The following SLC6A14 variants were observed in gnomAD, a reference collection of about 807,000 sequenced individuals.
SLC6A14 encodes sodium- and chloride-dependent neutral and basic amino acid transporter B(0+).
A neutral mutation model predicts 51.4 loss-of-function variants in SLC6A14; 21 were observed. The ratio of observed to expected loss-of-function variants is 0.41; its 90% CI spans 0.29 to 0.59. The LOEUF (loss-of-function observed/expected upper bound fraction) is 0.59. Ranked by LOEUF, SLC6A14 falls within the 20% of genes least tolerant of loss-of-function variation. The pLI, the probability that SLC6A14 is intolerant of heterozygous loss-of-function variation, is 0.31. For synonymous variants in SLC6A14, 177 were observed against 160.7 expected (o/e 1.10, Z -0.77); for missense variants, 371 against 472.8 (o/e 0.78, Z 2.00).
chrX:116,459,058 A>G lies in SLC6A14; in HGVS notation c.*103A>G. On this transcript the variant is annotated 3_prime_UTR_variant, in exon 14 of 14. Coordinates refer to ENST00000598581, the MANE Select transcript of SLC6A14 (RefSeq NM_007231.5). ...AACTGAATAGGAAAATGTACATACT[A>G]TGTTCATGATAGTGTGATTTTTTTC... 1 of 636,152 alleles carries G rather than the reference A, an allele frequency of 1.6e-6. No homozygotes were observed. Among genetic ancestry groups the G allele is most frequent in the Non-Finnish European group, 2.3e-6 (1 of 432,292 alleles). 52.4% of individuals were successfully genotyped at this position (636,152 alleles called of 1,213,427 possible).
In SLC6A14 at chrX:116,442,829, C is replaced by T; in HGVS notation, c.489C>T (p.Asn163=). Residue 163 remains asparagine, a synonymous_variant, in exon 4 of 14, where the codon AAC becomes AAT. Coordinates refer to ENST00000598581, the MANE Select transcript of SLC6A14 (RefSeq NM_007231.5). The part of the protein sequence containing the change: ...WKNCSSWSDK[N]CSRSPIVTHC... ...ATTGTTCTTCGTGGTCAGATAAAAA[C>T]TGTAGCAGATCACCAATAGGTAAAA... The T allele has an allele frequency of 8.5e-7, 1 of 1,182,141 alleles. No individual in the cohort carries two copies. The highest frequency in any genetic ancestry group is 1.1e-6 in the Non-Finnish European group (1 of 885,121).
chrX:116,442,615 GC>G, intron 3 of SLC6A14, 71 bp from the exon 4 acceptor site: 2 of 873,009 alleles, frequency 2.3e-6, no homozygotes, highest in Non-Finnish European at 3.1e-6. Flanking sequence ...TTGAGATACA[GC>G]TTTTTTATGA....
At chrX:116,457,567 G>T in intron 12 of SLC6A14, 42 bp from the exon 13 acceptor site, 1 of 1,135,618 alleles carries the variant, frequency 8.8e-7, no homozygotes, top group South Asian at 1.9e-5. Context: ...GTGCAATAAA[G>T]TCTAATCTTT....
chrX:116,453,121 G>A lies in SLC6A14; in HGVS notation c.1264G>A (p.Asp422Asn). 1.7e-6 allele frequency: 2 copies of A among 1,200,659 alleles called. No individual in the cohort carries two copies. The highest frequency in any genetic ancestry group is 2.2e-6 in the Non-Finnish European group (2 of 889,591). The change falls in exon 9 of 14, where the codon GAT becomes AAT. Residue 422 changes from aspartate (D) to asparagine (N), a missense_variant. By Grantham distance (23) the Asp-to-Asn change is conservative. Transcript: ENST00000598581. ...TTTCATGCTTTTAACTTTGGGTCTC[G>A]ATTCTCAGTTTGCTTCGATTGGTAA... ...FFFMLLTLGLDSQFASIETIT... is the reference protein window; with the variant it reads ...FFFMLLTLGLNSQFASIETIT...
rs1170150459 is a variant in SLC6A14 at position 116,437,367 on chromosome X, T to C, written c.49-423T>C. Among the ~76,000 whole-genome samples the C allele has an allele frequency of 2.7e-5, 3 of 111,587 alleles. No homozygotes were observed. In the East Asian group the frequency reaches 8.5e-4, roughly 32 times the overall value. On this transcript the variant is annotated intron_variant, in intron 1 of 13. Coordinates refer to ENST00000598581, the MANE Select transcript of SLC6A14 (RefSeq NM_007231.5). ...GCTCAAAGATCTGCTACAATATCAA[T>C]ATTGATGACTTTATCTAATTCATCT... is the stretch of plus-strand genomic sequence containing the variant.
intron 9 of SLC6A14, among the ~76,000 whole-genome samples, chrX:116,453,612 A>G (rs1927866859): frequency 9.0e-6 from 1 of 111,591 alleles, no homozygotes; most frequent in South Asian, 3.7e-4. Flanking sequence ...ACACAGGCAT[A>G]TAGATCTAGT....
chrX:116,440,010 G>A (rs1250119318), intron 2 of SLC6A14, among the ~76,000 whole-genome samples: 1 of 111,444 alleles, frequency 9.0e-6, no homozygotes, highest in Non-Finnish European at 1.9e-5. Flanking sequence ...ACTGTAACAT[G>A]AGTAAATTAA....
Position 116,444,975 on chromosome X carries a change from T to C in SLC6A14, c.714T>C (p.Tyr238=). Residue 238 remains tyrosine (Y), a synonymous_variant, in exon 6 of 14, where the codon TAT becomes TAC. Transcript: ENST00000598581. ...ATGAGACTGGAGTAATTGTTTGGTA[T>C]TTAGCACTTTGTCTTCTTCTGGCTT... The part of the protein sequence containing the change: ...GMNETGVIVW[Y]LALCLLLAWL... 8.3e-7 allele frequency: 1 copy of C among 1,209,010 alleles called. No homozygotes were observed. Among genetic ancestry groups the C allele is most frequent in the South Asian group, 1.8e-5 (1 of 56,792 alleles).
At chrX:116,442,080 T>G (rs1210594309) in intron 3 of SLC6A14, among the ~76,000 whole-genome samples, 4 of 111,587 alleles carry the variant, frequency 3.6e-5, no homozygotes, top group Non-Finnish European at 7.5e-5. Flanking sequence ...AACATGGGTT[T>G]TTCTTTATGT....
chrX:116,443,271 AT>A (rs1927635575), intron 4 of SLC6A14, among the ~76,000 whole-genome samples: 1 of 111,847 alleles, frequency 8.9e-6, no homozygotes, highest in Non-Finnish European at 1.9e-5. Flanking sequence ...ATTTATAAAT[AT>A]TTAATGCTTC....
chrX:116,442,335 G>C (rs1927615332), intron 3 of SLC6A14, among the ~76,000 whole-genome samples: 1 of 111,757 alleles, frequency 8.9e-6, no homozygotes, highest in Non-Finnish European at 1.9e-5. Context: ...GTGGATCTAG[G>C]CTCACAGCAA....
intron 6 of SLC6A14, among the ~76,000 whole-genome samples, chrX:116,446,102 T>C (rs1927709145): frequency 1.0e-5 from 1 of 96,660 alleles, no homozygotes; most frequent in South Asian, 4.5e-4. Flanking sequence ...TTATAAAACA[T>C]AGGACATCTA....
Position 116,440,469 on chromosome X carries a change from A to G in SLC6A14, c.215-497A>G, listed in dbSNP as rs1355273251. Among the ~76,000 whole-genome samples, 3 of 112,374 alleles carry G rather than the reference A, an allele frequency of 2.7e-5. No homozygotes were observed. In the East Asian group the frequency reaches 8.4e-4, roughly 31 times the overall value. On this transcript the variant is annotated intron_variant, in intron 2 of 13. Transcript: ENST00000598581. ...ACCATTTATTTTTAAAGGAGAAAGA[A>G]AGATAACCAATGTTGAACATGGGCT... is the stretch of plus-strand genomic sequence containing the variant.
rs782340198 is a variant in SLC6A14 at position 116,456,314 on chromosome X, A to G, written c.1614+848A>G. On this transcript the variant is annotated intron_variant, in intron 12 of 13. Transcript: ENST00000598581. ...ATTTCCTTCAAATCTAAAGTACCAC[A>G]TTTGTTTGTAGAGAGGATTACATTT... Among the ~76,000 whole-genome samples the G allele has an allele frequency of 4.5e-5, 5 of 110,590 alleles. No homozygotes were observed. The East Asian group carries it at 1.4e-3, about 31-fold the overall frequency.
chrX:116,458,831 C>A lies in SLC6A14; in HGVS notation c.1805C>A (p.Pro602Gln). ...CAGCGCCTTATAAGTTGCTGCAGAC[C>A]AGCTTCTAACTGGGGTCCATACCTG... ...IFQRLISCCR[P>Q]ASNWGPYLEQ... The change falls in exon 14 of 14, where the codon CCA becomes CAA. Residue 602 changes from proline to glutamine, a missense_variant. Around this residue, in one of 2 missense-constraint regions of SLC6A14, gnomAD observed 94 missense variants for 81.0 expected, o/e 1.16. Transcript: ENST00000598581. 4 of 1,189,935 alleles carry A rather than the reference C, an allele frequency of 3.4e-6. No homozygotes were observed. Among genetic ancestry groups the A allele is most frequent in the Non-Finnish European group, 4.5e-6 (4 of 885,931 alleles).
At chrX:116,447,613 T>TTTTTC (rs1927742976) in intron 7 of SLC6A14, among the ~76,000 whole-genome samples, 1 of 109,368 alleles carries the variant, frequency 9.1e-6, no homozygotes, top group Non-Finnish European at 1.9e-5. Context: ...TTCTTTTTTT[T>TTTTTC]TTGAGACAGA....
chrX:116,458,259 C>T (rs1212772595), intron 13 of SLC6A14, among the ~76,000 whole-genome samples: 1 of 111,754 alleles, frequency 8.9e-6, no homozygotes, highest in Non-Finnish European at 1.9e-5. Context: ...ATCCCTCTTC[C>T]ATGGAGGTGT....
chrX:116,456,833 T>G (rs1927944244), intron 12 of SLC6A14, among the ~76,000 whole-genome samples: 1 of 111,874 alleles, frequency 8.9e-6, no homozygotes, highest in Admixed American at 9.5e-5. Context: ...TTAAGGAAGC[T>G]CCTTAATAAT....
intron 7 of SLC6A14, among the ~76,000 whole-genome samples, chrX:116,449,807 C>T (rs1380951723): frequency 1.7e-4 from 19 of 111,378 alleles, no homozygotes; most frequent in African/African-American, 6.2e-4. Flanking sequence ...GCAGAGGTGG[C>T]AATGCAGATC....
Sources: allele counts gnomAD v4.1 joint callset (sites outside exome capture counted in the v4.1 genomes callset), GRCh38; gene constraint gnomAD v4.1.1; regional missense constraint gnomAD v4.1.1; transcripts MANE v1.5; gene names NCBI Gene and HGNC (gene_info 2026-07-23, HGNC 2026-07-21).